ADH5: variants seen among roughly 807,000 people sequenced by gnomAD.
ADH5 encodes alcohol dehydrogenase class-3.
Under a neutral mutation model 40.3 loss-of-function variants are expected in ADH5, and 32 were observed. The ratio of observed to expected loss-of-function variants is 0.79; its 90% CI spans 0.60 to 1.07. The LOEUF (loss-of-function observed/expected upper bound fraction) is 1.07. ADH5 is among the 50% of genes least tolerant of loss of function. ADH5 has a pLI of 0.00. For synonymous variants in ADH5, 125 were observed against 154.3 expected (o/e 0.81, Z 1.41); for missense variants, 353 against 460.5 (o/e 0.77, Z 2.14).
At chr4:99,086,939 CAAAAAAAAAAA>C (rs58359709) in intron 1 of ADH5, among the ~76,000 whole-genome samples, 3 of 64,270 alleles carry the variant, frequency 4.7e-5, no homozygotes, top group Admixed American at 2.3e-4. Flanking sequence ...GACTGCGTCT[CAAAAAAAAAAA>C]AAAAAAAAAA....
chr4:99,080,416 T>A (rs3805321), intron 4 of ADH5: 38 of 165,772 alleles, frequency 2.3e-4, no homozygotes, highest in Admixed American at 3.2e-4. Context: ...AAGGTTAACA[T>A]AGGGTACCAC....
intron 1 of ADH5, among the ~76,000 whole-genome samples, chr4:99,086,296 A>G (rs1246625716): frequency 6.6e-6 from 1 of 151,970 alleles, no homozygotes; most frequent in East Asian, 1.9e-4. Flanking sequence ...TAGCACACAG[A>G]CCTGCTTTAG....
intron 4 of ADH5, chr4:99,080,403 G>C (rs28730604): frequency 0.018 from 3,048 of 168,260 alleles, 93 homozygotes; most frequent in African/African-American, 0.068. Flanking sequence ...GTGAAGACCA[G>C]CCAAGGTTAA....
chr4:99,073,814 T>TTA (rs1459296929), intron 7 of ADH5, among the ~76,000 whole-genome samples: 2 of 152,230 alleles, frequency 1.3e-5, no homozygotes, highest in Non-Finnish European at 2.9e-5. Context: ...TGTGCTAGAA[T>TTA]GAGGCTTCAG....
chr4:99,085,854 G>A (rs1383242677), intron 1 of ADH5, among the ~76,000 whole-genome samples: 1 of 152,134 alleles, frequency 6.6e-6, no homozygotes, highest in African/African-American at 2.4e-5. Context: ...TGGCCAGCAT[G>A]GTGAAACCTC....
At chr4:99,078,208 T>C (rs1727964190) in intron 4 of ADH5, among the ~76,000 whole-genome samples, 1 of 152,160 alleles carries the variant, frequency 6.6e-6, no homozygotes, top group Non-Finnish European at 1.5e-5. Context: ...TACAGGGGCA[T>C]AGAGACGGGG....
Position 99,071,952 on chromosome 4 carries a change from G to A in ADH5, c.*465C>T, listed in dbSNP as rs55811405. On this transcript the variant is annotated 3_prime_UTR_variant, in exon 9 of 9. Coordinates refer to ENST00000296412, the MANE Select transcript of ADH5 (RefSeq NM_000671.4). Reference sequence around the variant, plus strand: ...GATAATATCACAGAAGCAGACTTGGGTCCTGATTAACTTTGTCACTGATGG... The same window carrying A: ...GATAATATCACAGAAGCAGACTTGGATCCTGATTAACTTTGTCACTGATGG... 5.2e-3 allele frequency: 810 copies of A among 157,146 alleles called. 4 individuals carry two copies. The highest frequency in any genetic ancestry group is 0.019 in the African/African-American group (779 of 41,656). The allele number at this position is 157,146 out of a possible 1,614,324, so 9.7% of individuals were successfully genotyped here.
Position 99,074,775 on chromosome 4 carries a change from C to A in ADH5, c.961+139G>T, listed in dbSNP as rs1212493822. 1.1e-5 allele frequency: 11 copies of A among 1,043,186 alleles called. No homozygotes were observed. In the South Asian group the frequency reaches 1.5e-4, roughly 14 times the overall value. The allele number at this position is 1,043,186 out of a possible 1,614,324, so 64.6% of individuals were successfully genotyped here. On this transcript the variant is annotated intron_variant, in intron 7 of 8. Coordinates refer to ENST00000296412, the MANE Select transcript of ADH5 (RefSeq NM_000671.4). Reference sequence around the variant, plus strand: ...GTCTGAATCCCTTCTAATAAAACAGCCTTGCATGCAACAACTTATAATGAG... The same window carrying A: ...GTCTGAATCCCTTCTAATAAAACAGACTTGCATGCAACAACTTATAATGAG...
intron 2 of ADH5, among the ~76,000 whole-genome samples, chr4:99,084,387 C>G (rs3018048): frequency 6.6e-6 from 1 of 152,070 alleles, no homozygotes; most frequent in East Asian, 1.9e-4. Flanking sequence ...ATAGGCTAAT[C>G]ATAGTGCATT....
At chr4:99,074,721 C>A (rs28730630) in intron 7 of ADH5, among the ~76,000 whole-genome samples, 193 bp downstream of exon 7, 17 of 152,136 alleles carry the variant, frequency 1.1e-4, no homozygotes, top group Non-Finnish European at 2.1e-4. Context: ...CACCCTCCCC[C>A]CCAAGTCCCA....
intron 7 of ADH5, among the ~76,000 whole-genome samples, chr4:99,073,880 A>T (rs889166545): frequency 4.6e-5 from 7 of 152,330 alleles, no homozygotes; most frequent in Non-Finnish European, 8.8e-5. Flanking sequence ...GCCCTTTAAA[A>T]TACAGCTATG....
chr4:99,074,876 CAA>C, intron 7 of ADH5, 36 bp downstream of exon 7: 2 of 1,550,416 alleles, frequency 1.3e-6, no homozygotes, highest in Non-Finnish European at 1.7e-6. Context: ...ATGCAACTAA[CAA>C]AAGAGAAAAT....
intron 4 of ADH5, among the ~76,000 whole-genome samples, chr4:99,079,059 C>G (rs28730613): frequency 0.036 from 5,501 of 152,250 alleles, 334 homozygotes; most frequent in African/African-American, 0.13. Context: ...ATGGATCTCC[C>G]ATACAATGCT....
At chr4:99,078,411 G>T (rs1219163312) in intron 4 of ADH5, among the ~76,000 whole-genome samples, 1 of 152,104 alleles carries the variant, frequency 6.6e-6, no homozygotes, top group Non-Finnish European at 1.5e-5. Flanking sequence ...CCATCAGAAA[G>T]AATTTTTTTT....
chr4:99,075,227 T>G (rs77136773), intron 6 of ADH5, 178 bp from the exon 7 acceptor site: 777 of 75,108 alleles, frequency 0.01, no homozygotes, highest in Non-Finnish European at 0.012. Context: ...TTTTTGTTGT[T>G]TTTTTTTTTT....
Position 99,075,030 on chromosome 4 carries a change from C to G in ADH5, c.845G>C (p.Cys282Ser), listed in dbSNP as rs753876606. The G allele has an allele frequency of 6.2e-7, 1 of 1,612,054 alleles. No homozygotes were observed. Among genetic ancestry groups the G allele is most frequent in the Non-Finnish European group, 8.5e-7 (1 of 1,178,614 alleles). The change falls in exon 7 of 9, where the codon TGT becomes TCT. Residue 282 changes from cysteine to serine, a missense_variant. Physicochemically the swap from Cys to Ser is moderately radical, Grantham distance 112. Coordinates refer to ENST00000296412, the MANE Select transcript of ADH5 (RefSeq NM_000671.4). The stretch of plus-strand genomic sequence containing the variant: ...GACGCTGACGCCCCAGCCCTTGTGA[C>G]ATGCCTCAAGTGCTGCTCTCTGCAG... ...VKVMRAALEA[C>S]HKGWGVSVVV...
Position 99,076,837 on chromosome 4 carries a change from C to G in ADH5, c.431G>C (p.Ser144Thr), listed in dbSNP as rs370868612. ...GKTILHYMGT[S>T]TFSEYTVVAD... ...CACAACTGTGTATTCAGAAAATGTG[C>G]TGGTTCCCATGTAATGCAAAATTGT... is the stretch of plus-strand genomic sequence containing the variant. The change falls in exon 5 of 9, where the codon AGC (serine) becomes ACC (threonine). Residue 144 changes from serine (S) to threonine (T), a missense_variant. Coordinates refer to ENST00000296412, the MANE Select transcript of ADH5 (RefSeq NM_000671.4). 56 of 1,613,770 alleles carry G rather than the reference C, an allele frequency of 3.5e-5. No homozygotes were observed. Among genetic ancestry groups the G allele is most frequent in the African/African-American group, 5.3e-5 (4 of 74,912 alleles).
rs1464106450 is a variant in ADH5, at chr4:99,088,765, T to A, written c.-65A>T. ...GGTGGGCCGCGCAGCGACGGAGGCA[T>A]GGGCGTGGCGAGCGCCTAGCGAGGG... On this transcript the variant is annotated 5_prime_UTR_variant, in exon 1 of 9. It removes an upstream start codon present in the reference 5' UTR. Coordinates refer to ENST00000296412, the MANE Select transcript of ADH5 (RefSeq NM_000671.4). 5.4e-6 allele frequency: 5 copies of A among 926,484 alleles called. No individual in the cohort carries two copies. In the Admixed American group the frequency reaches 1.2e-4, roughly 22 times the overall value. The allele number at this position is 926,484 out of a possible 1,614,324, so 57.4% of individuals were successfully genotyped here. A position where few individuals can be genotyped will look rare whatever the true frequency, so the allele number is the denominator to read the frequency against.
intron 4 of ADH5, among the ~76,000 whole-genome samples, chr4:99,081,136 T>C (rs772815266): frequency 2.1e-4 from 32 of 152,212 alleles, no homozygotes; most frequent in Non-Finnish European, 3.8e-4. Context: ...TAACTGTCTT[T>C]GTTTCTTGCT....
Sources: allele counts gnomAD v4.1 joint callset (sites outside exome capture counted in the v4.1 genomes callset), GRCh38; gene constraint gnomAD v4.1.1; transcripts MANE v1.5; gene names NCBI Gene and HGNC (gene_info 2026-07-23, HGNC 2026-07-21).